The following PAN3 variants were observed in gnomAD, a reference collection of about 807,000 sequenced individuals.
PAN3 encodes poly(A) specific ribonuclease subunit PAN3.
A neutral mutation model predicts 96.2 loss-of-function variants in PAN3; 19 were observed. That is an observed-to-expected ratio of 0.20 (90% CI 0.14 to 0.29). The LOEUF (loss-of-function observed/expected upper bound fraction) is 0.29. Among genes scored for constraint, PAN3 ranks in the 10% least tolerant of loss-of-function variants. The pLI is 1.00. For synonymous variants in PAN3, 433 were observed against 406.6 expected, an observed-to-expected ratio of 1.06 and a Z score of -0.78; for missense variants, 882 against 1,108.1, an observed-to-expected ratio of 0.80 and a Z score of 2.90.
chr13:28,223,843 T>A (rs1881677682), intron 6 of PAN3, among the ~76,000 whole-genome samples: 1 of 151,314 alleles, frequency 6.6e-6, no homozygotes, highest in Admixed American at 6.6e-5. Context: ...TAATAGTTTA[T>A]ACTTTAATTT....
At chr13:28,238,453 A>G (rs1883298229) in intron 6 of PAN3, among the ~76,000 whole-genome samples, 1 of 152,240 alleles carries the variant, frequency 6.6e-6, no homozygotes, top group Non-Finnish European at 1.5e-5. Context: ...TATTCAAATG[A>G]GTACAATTTT....
chr13:28,282,330 T>C (rs11618870), intron 17 of PAN3, among the ~76,000 whole-genome samples: 81 of 140,368 alleles, frequency 5.8e-4, no homozygotes, highest in Non-Finnish European at 9.0e-4. Context: ...ATACTATTAC[T>C]TGAGGGGTTG....
At chr13:28,141,011 T>TTA (rs1555266992) in intron 1 of PAN3, among the ~76,000 whole-genome samples, 2 of 148,714 alleles carry the variant, frequency 1.3e-5, no homozygotes, top group Admixed American at 6.6e-5. Context: ...CACTTTTTTT[T>TTA]TTTTTTTTTT....
At chr13:28,257,720 A>ATATATT (rs1566234978) in intron 7 of PAN3, among the ~76,000 whole-genome samples, 1 of 139,122 alleles carries the variant, frequency 7.2e-6, no homozygotes, top group Non-Finnish European at 1.5e-5. Flanking sequence ...ATATATAATT[A>ATATATT]ATATATATTA....
At chr13:28,209,836 G>A (rs1319156246) in intron 5 of PAN3, among the ~76,000 whole-genome samples, 4 of 151,830 alleles carry the variant, frequency 2.6e-5, no homozygotes, top group South Asian at 2.1e-4. Context: ...TCTGGAGTGC[G>A]GTGGCATGAT....
chr13:28,225,920 TC>T (rs1881954923), intron 6 of PAN3, among the ~76,000 whole-genome samples: 4 of 152,344 alleles, frequency 2.6e-5, no homozygotes, highest in African/African-American at 9.6e-5. Flanking sequence ...AATTGTGAAC[TC>T]TTGTAAGTCA....
At chr13:28,139,428 C>G (rs959337315) in intron 1 of PAN3, among the ~76,000 whole-genome samples, 1 of 149,518 alleles carries the variant, frequency 6.7e-6, no homozygotes, top group African/African-American at 2.5e-5. Context: ...TGGAAAGGGG[C>G]TGGGTTTGCA....
At chr13:28,264,606 A>G (rs949475833) in intron 9 of PAN3, among the ~76,000 whole-genome samples, 1 of 152,240 alleles carries the variant, frequency 6.6e-6, no homozygotes, top group African/African-American at 2.4e-5. Context: ...GATATCAATT[A>G]AACACCATTG....
chr13:28,197,608 T>C (rs1022775915), intron 5 of PAN3, among the ~76,000 whole-genome samples: 2 of 152,276 alleles, frequency 1.3e-5, no homozygotes, highest in East Asian at 3.9e-4. Context: ...AGTCTCACTC[T>C]GTCCCCCAGG....
intron 6 of PAN3, among the ~76,000 whole-genome samples, chr13:28,244,130 C>G (rs529470966): frequency 6.6e-6 from 1 of 152,256 alleles, no homozygotes; most frequent in East Asian, 1.9e-4. Flanking sequence ...CCACTGCTTG[C>G]TTTCTGTTTT....
At chr13:28,139,956 G>T (rs1366631112) in intron 1 of PAN3, among the ~76,000 whole-genome samples, 5 of 151,970 alleles carry the variant, frequency 3.3e-5, no homozygotes, top group South Asian at 2.1e-4. Context: ...TGTTGTTGTT[G>T]TTGTTGTTTT....
intron 1 of PAN3, among the ~76,000 whole-genome samples, chr13:28,152,237 T>C (rs765712282): frequency 6.6e-6 from 1 of 152,168 alleles, no homozygotes; most frequent in Non-Finnish European, 1.5e-5. Flanking sequence ...CTAGTTTTAA[T>C]AAGCAAACAA....
chr13:28,257,739 TTATA>T (rs1438932624), intron 7 of PAN3, among the ~76,000 whole-genome samples: 1 of 113,754 alleles, frequency 8.8e-6, no homozygotes, highest in African/African-American at 3.0e-5. Flanking sequence ...TATATATAAA[TTATA>T]TATAATATAT....
intron 5 of PAN3, among the ~76,000 whole-genome samples, chr13:28,211,657 C>T (rs1408244): frequency 5.9e-5 from 9 of 152,102 alleles, no homozygotes; most frequent in Admixed American, 3.3e-4. Context: ...TCAAAAAATT[C>T]CTTAATATTT....
intron 5 of PAN3, among the ~76,000 whole-genome samples, chr13:28,207,596 C>T (rs957417171): frequency 6.6e-6 from 1 of 152,082 alleles, no homozygotes; most frequent in Admixed American, 6.6e-5. Flanking sequence ...GTTGATGTAC[C>T]CTTCCTTCTG....
intron 7 of PAN3, among the ~76,000 whole-genome samples, chr13:28,257,407 G>C (rs988455787): frequency 1.8e-4 from 27 of 151,740 alleles, no homozygotes; most frequent in African/African-American, 6.5e-4. Flanking sequence ...GATGAAGTGA[G>C]TGAGAAAGTC....
intron 6 of PAN3, among the ~76,000 whole-genome samples, chr13:28,230,382 T>C (rs963110932): frequency 6.6e-6 from 1 of 151,894 alleles, no homozygotes; most frequent in Non-Finnish European, 1.5e-5. Flanking sequence ...TGTGGCTGTT[T>C]AAAATATAAA....
chr13:28,163,446 A>G (rs1448546061), intron 1 of PAN3, among the ~76,000 whole-genome samples: 1 of 152,224 alleles, frequency 6.6e-6, no homozygotes, highest in African/African-American at 2.4e-5. Flanking sequence ...GACCTGTTAG[A>G]AAACATACTA....
At chr13:28,221,024 A>T (rs1373606369) in intron 6 of PAN3, among the ~76,000 whole-genome samples, 1 of 152,186 alleles carries the variant, frequency 6.6e-6, no homozygotes, top group East Asian at 1.9e-4. Flanking sequence ...AGGAGTCCTG[A>T]AGGCATAGTT....
Sources: allele counts gnomAD v4.1 joint callset (sites outside exome capture counted in the v4.1 genomes callset), GRCh38; gene constraint gnomAD v4.1.1; transcripts MANE v1.5; gene names NCBI Gene and HGNC (gene_info 2026-07-23, HGNC 2026-07-21).